TRDMT1: variants seen among roughly 807,000 people sequenced by gnomAD.
TRDMT1 encodes tRNA aspartic acid methyltransferase 1.
In TRDMT1, 49 loss-of-function variants were observed where a neutral mutation model predicts 51.2. That is an observed-to-expected ratio of 0.96 (90% CI 0.76 to 1.21). The LOEUF (loss-of-function observed/expected upper bound fraction) is 1.21. Among genes scored for constraint, TRDMT1 ranks in the 50% most tolerant of loss-of-function variants. TRDMT1 has a pLI of 0.00. For missense variants in TRDMT1, 534 were observed against 462.3 expected (o/e 1.16, Z -1.42); for synonymous variants, 187 against 164.6 (o/e 1.14, Z -1.04).
rs1838287183 is a variant in TRDMT1, at chr10:17,148,195, A to G, written c.*845T>C. ...TTCATTGAGAGTGTATGTTGCTACA[A>G]TAAAGAACAACTGGGGGGAGGGGAG... On this transcript the variant is annotated 3_prime_UTR_variant, in exon 11 of 11. Coordinates refer to ENST00000377799, the MANE Select transcript of TRDMT1 (RefSeq NM_004412.7). The G allele has an allele frequency of 1.0e-6, 1 of 985,428 alleles. No homozygotes were observed. Among genetic ancestry groups the G allele is most frequent in the South Asian group, 4.7e-5 (1 of 21,286 alleles). The allele number at this position is 985,428 out of a possible 1,614,324, so 61.0% of individuals were successfully genotyped here. A position where few individuals can be genotyped will look rare whatever the true frequency, so the allele number is the denominator to read the frequency against.
chr10:17,175,859 A>G (rs17140124), intron 1 of TRDMT1, among the ~76,000 whole-genome samples: 5 of 152,126 alleles, frequency 3.3e-5, no homozygotes, highest in Admixed American at 2.6e-4. Flanking sequence ...AATGTCTCCA[A>G]GGATTGATAC....
chr10:17,175,945 G>A (rs1432890896), intron 1 of TRDMT1, among the ~76,000 whole-genome samples: 1 of 152,184 alleles, frequency 6.6e-6, no homozygotes, highest in South Asian at 2.1e-4. Context: ...TGCAAACTTG[G>A]TGGTCTAATC....
At chr10:17,157,865 G>A (rs1418184439) in intron 7 of TRDMT1, 81 bp from the exon 8 acceptor site, 22 of 1,112,694 alleles carry the variant, frequency 2.0e-5, no homozygotes, top group Admixed American at 1.1e-4. Flanking sequence ...TCAACATTAC[G>A]AAAACAACCT....
chr10:17,199,388 G>C (rs572294321), intron 1 of TRDMT1, among the ~76,000 whole-genome samples: 1 of 152,172 alleles, frequency 6.6e-6, no homozygotes, highest in Non-Finnish European at 1.5e-5. Flanking sequence ...GAGTGAAAAA[G>C]TCTGGGGTTA....
chr10:17,154,947 C>T (rs1839290642), intron 8 of TRDMT1, among the ~76,000 whole-genome samples: 1 of 152,142 alleles, frequency 6.6e-6, no homozygotes, highest in South Asian at 2.1e-4. Flanking sequence ...GGGCCGGGCA[C>T]AGTGGCTAAT....
chr10:17,163,402 G>C lies in TRDMT1; in HGVS notation c.252-1165C>G, dbSNP rs532450360. Among the ~76,000 whole-genome samples, 3 of 152,166 alleles carry C rather than the reference G, an allele frequency of 2.0e-5. No homozygotes were observed. In the South Asian group the frequency reaches 6.2e-4, roughly 32 times the overall value. ...TAGAGGGAAATTTATAGCACTAAAA[G>C]CCCACAAGAGAAAACAGGAAAGATC... On this transcript the variant is annotated intron_variant, in intron 3 of 10. Coordinates refer to ENST00000377799, the MANE Select transcript of TRDMT1 (RefSeq NM_004412.7).
intron 2 of TRDMT1, among the ~76,000 whole-genome samples, chr10:17,174,191 T>A (rs545276114): frequency 6.6e-6 from 1 of 152,248 alleles, no homozygotes; most frequent in African/African-American, 2.4e-5. Context: ...TAAAAGCCAA[T>A]GATTTTCTCC....
chr10:17,153,470 A>C (rs1293761582), intron 10 of TRDMT1, 37 bp downstream of exon 10: 34 of 1,608,090 alleles, frequency 2.1e-5, no homozygotes, highest in African/African-American at 4.0e-5. Flanking sequence ...GAGAGTTTTA[A>C]TACATGAAAG....
intron 3 of TRDMT1, among the ~76,000 whole-genome samples, chr10:17,165,872 C>T (rs995248388): frequency 6.6e-6 from 1 of 152,180 alleles, no homozygotes; most frequent in Non-Finnish European, 1.5e-5. Flanking sequence ...CAGGAAACAA[C>T]AGGTGCTGGA....
At position 17,143,769 on chromosome 10, in the gene TRDMT1, A is replaced by G; in HGVS notation, c.*5271T>C. On this transcript the variant is annotated 3_prime_UTR_variant, in exon 11 of 11. Transcript: ENST00000377799. The stretch of plus-strand genomic sequence containing the variant: ...ATTTTAACAGAAGCTGACCAATGGA[A>G]TGCAGAGTGAGAAGGAAGGTGAAGA... 1.0e-6 allele frequency: 1 copy of G among 985,442 alleles called. No individual in the cohort carries two copies. Among genetic ancestry groups the G allele is most frequent in the Non-Finnish European group, 1.2e-6 (1 of 829,928 alleles). The allele number at this position is 985,442 out of a possible 1,614,324, so 61.0% of individuals were successfully genotyped here. A position where few individuals can be genotyped will look rare whatever the true frequency, so the allele number is the denominator to read the frequency against.
intron 1 of TRDMT1, among the ~76,000 whole-genome samples, chr10:17,177,925 A>G (rs1013943883): frequency 4.6e-5 from 7 of 152,166 alleles, no homozygotes; most frequent in Non-Finnish European, 1.0e-4. Flanking sequence ...TTAATGTGGG[A>G]AAAAAATCAA....
intron 1 of TRDMT1, among the ~76,000 whole-genome samples, chr10:17,183,896 T>G (rs191332000): frequency 3.9e-5 from 6 of 152,264 alleles, no homozygotes; most frequent in African/African-American, 1.4e-4. Flanking sequence ...CTGTGACCTG[T>G]CACAGGCACA....
intron 1 of TRDMT1, among the ~76,000 whole-genome samples, chr10:17,200,792 T>C (rs1846051780): frequency 6.6e-6 from 1 of 152,150 alleles, no homozygotes; most frequent in East Asian, 1.9e-4. Flanking sequence ...GTTTGCTTGA[T>C]AATATCTCGT....
At chr10:17,201,283 T>G (rs1203835208) in intron 1 of TRDMT1, 4 of 370,448 alleles carry the variant, frequency 1.1e-5, no homozygotes, top group Non-Finnish European at 2.0e-5. Context: ...TTTGATACCC[T>G]TTGAGGTTGA....
At chr10:17,171,047 T>C (rs1841912671) in intron 2 of TRDMT1, among the ~76,000 whole-genome samples, 2 of 152,128 alleles carry the variant, frequency 1.3e-5, no homozygotes, top group South Asian at 2.1e-4. Flanking sequence ...GACATCCTTG[T>C]CTTTTTATTA....
chr10:17,148,446 T>C lies in TRDMT1; in HGVS notation c.*594A>G. ...AAATGTAGATAATGTGCACCAACAGTTTCTGTGGCCGCTTCATGGAGAGGT... is the reference window on the plus strand; with the variant it reads ...AAATGTAGATAATGTGCACCAACAGCTTCTGTGGCCGCTTCATGGAGAGGT... On this transcript the variant is annotated 3_prime_UTR_variant, in exon 11 of 11. Transcript: ENST00000377799. The C allele has an allele frequency of 1.0e-6, 1 of 985,438 alleles. No homozygotes were observed. The highest frequency in any genetic ancestry group is 1.2e-6 in the Non-Finnish European group (1 of 829,934). The allele number at this position is 985,438 out of a possible 1,614,324, so 61.0% of individuals were successfully genotyped here.
intron 1 of TRDMT1, among the ~76,000 whole-genome samples, chr10:17,185,878 G>C (rs1843830157): frequency 6.6e-6 from 1 of 152,008 alleles, no homozygotes; most frequent in East Asian, 1.9e-4. Flanking sequence ...GACACAGGGT[G>C]GGAACATCAC....
Position 17,148,102 on chromosome 10 carries a change from G to A in TRDMT1, c.*938C>T, listed in dbSNP as rs1838277015. The A allele has an allele frequency of 1.0e-6, 1 of 985,240 alleles. No homozygotes were observed. The highest frequency in any genetic ancestry group is 1.2e-6 in the Non-Finnish European group (1 of 829,924). 61.0% of individuals were successfully genotyped at this position (985,240 alleles called of 1,614,324 possible). A position where few individuals can be genotyped will look rare whatever the true frequency, so the allele number is the denominator to read the frequency against. On this transcript the variant is annotated 3_prime_UTR_variant, in exon 11 of 11. Coordinates refer to ENST00000377799, the MANE Select transcript of TRDMT1 (RefSeq NM_004412.7). ...GAATTTATGATGCAAGACTTAGTTTGATTAGAAACCCTAATTCCAAGAGGT... is the reference window on the plus strand; with the variant it reads ...GAATTTATGATGCAAGACTTAGTTTAATTAGAAACCCTAATTCCAAGAGGT...
At chr10:17,162,571 G>A (rs1384292066) in intron 3 of TRDMT1, among the ~76,000 whole-genome samples, 1 of 152,096 alleles carries the variant, frequency 6.6e-6, no homozygotes, top group African/African-American at 2.4e-5. Flanking sequence ...GGCCGAGCGT[G>A]GTGGCTCACA....
Sources: gnomAD v4.1 joint callset for allele counts (sites outside exome capture counted in the v4.1 genomes callset) on GRCh38, gnomAD v4.1.1 for gene constraint, MANE v1.5 for transcripts, NCBI Gene and HGNC (gene_info 2026-07-23, HGNC 2026-07-21) for gene names.